The following DMD variants were observed in gnomAD, a reference collection of about 807,000 sequenced individuals.
DMD encodes mutant dystrophin.
In DMD, 63 loss-of-function variants were observed where a neutral mutation model predicts 330.1. That is an observed-to-expected ratio of 0.19 (90% CI 0.16 to 0.24). DMD has a LOEUF of 0.24. Ranked by LOEUF, DMD falls within the 10% of genes least tolerant of loss-of-function variation. The pLI is 1.00. For missense variants in DMD, 3,344 were observed against 2,684.1 expected (o/e 1.25, Z -5.43); for synonymous variants, 1,223 against 959.8 (o/e 1.27, Z -5.07).
intron 44 of DMD, among the ~76,000 whole-genome samples, chrX:32,083,231 G>A (rs56663344): frequency 0.16 from 17,885 of 109,838 alleles, 1,073 homozygotes; most frequent in African/African-American, 0.19. Context: ...TTAACCTAAG[G>A]CTTCTATTTA....
chrX:31,250,594 T>C (rs946957395), intron 63 of DMD, among the ~76,000 whole-genome samples: 5 of 112,031 alleles, frequency 4.5e-5, no homozygotes, highest in African/African-American at 1.3e-4. Flanking sequence ...ATATGGACAG[T>C]GTGTTAAGTA....
chrX:31,951,511 TAATTTTA>T (rs1489783782), intron 45 of DMD, among the ~76,000 whole-genome samples: 1 of 110,053 alleles, frequency 9.1e-6, no homozygotes, highest in Non-Finnish European at 1.9e-5. Flanking sequence ...TTTTAGTGTG[TAATTTTA>T]AATTTTGTTT....
chrX:31,513,827 C>G (rs1023089559), intron 55 of DMD, among the ~76,000 whole-genome samples: 2 of 111,437 alleles, frequency 1.8e-5, no homozygotes, highest in Non-Finnish European at 3.8e-5. Context: ...CTCAACAACC[C>G]TCTAGGGTAG....
At chrX:31,309,486 C>T (rs1009489351) in intron 62 of DMD, among the ~76,000 whole-genome samples, 5 of 111,735 alleles carry the variant, frequency 4.5e-5, no homozygotes, top group Non-Finnish European at 7.5e-5. Flanking sequence ...TATGTAGGCC[C>T]GCTCATCCTC....
intron 4 of DMD, among the ~76,000 whole-genome samples, chrX:32,834,393 T>C (rs1001813611): frequency 1.3e-4 from 14 of 111,952 alleles, no homozygotes; most frequent in Non-Finnish European, 2.3e-4. Context: ...TATATGGCTA[T>C]TTAAGTTTCT....
At chrX:31,502,292 G>A (rs759913250) in intron 56 of DMD, among the ~76,000 whole-genome samples, 1 of 111,388 alleles carries the variant, frequency 9.0e-6, no homozygotes, top group South Asian at 3.7e-4. Flanking sequence ...TTTAAATAGA[G>A]AGAATCCCAA....
At chrX:32,763,337 C>CA (rs2072563874) in intron 7 of DMD, among the ~76,000 whole-genome samples, 1 of 111,665 alleles carries the variant, frequency 9.0e-6, no homozygotes, top group Non-Finnish European at 1.9e-5. Flanking sequence ...TTAAAGAGTG[C>CA]AAAAATATTT....
intron 56 of DMD, 49 bp from the exon 57 acceptor site, chrX:31,496,993 T>C (rs761178086): frequency 1.7e-6 from 2 of 1,150,712 alleles, no homozygotes; most frequent in South Asian, 1.9e-5. Flanking sequence ...GAAGTGTAAT[T>C]GATGATTCTA....
chrX:32,429,686 C>T (rs776585729), intron 29 of DMD, among the ~76,000 whole-genome samples: 2 of 109,422 alleles, frequency 1.8e-5, no homozygotes, highest in African/African-American at 3.3e-5. Flanking sequence ...CAGGTGGATG[C>T]TCCATTAGTG....
At chrX:31,291,036 C>G (rs1198030521) in intron 62 of DMD, among the ~76,000 whole-genome samples, 1 of 111,943 alleles carries the variant, frequency 8.9e-6, no homozygotes, top group Non-Finnish European at 1.9e-5. Flanking sequence ...GTCTTAAAAT[C>G]TAAACTTTTT....
chrX:33,217,305 A>G (rs2052075047), intron 1 of DMD, among the ~76,000 whole-genome samples: 1 of 111,720 alleles, frequency 9.0e-6, no homozygotes, highest in African/African-American at 3.2e-5. Flanking sequence ...AGGGTGTCCA[A>G]ATAGACAAAA....
chrX:31,435,374 T>A lies in DMD; in HGVS notation c.9084+9107A>T, dbSNP rs1401607073. 2.7e-5 allele frequency among the ~76,000 whole-genome samples: 3 copies of A among 111,859 alleles called. No individual in the cohort carries two copies. The East Asian group carries it at 8.4e-4, about 31-fold the overall frequency. On this transcript the variant is annotated intron_variant, in intron 60 of 78. Coordinates refer to ENST00000357033, the MANE Select transcript of DMD (RefSeq NM_004006.3). ...GGCTGTACTTCTGATATAAGAATCA[T>A]CTTCTAATTTATTATATTTCCACCC...
intron 47 of DMD, among the ~76,000 whole-genome samples, chrX:31,911,244 T>C (rs2094542926): frequency 5.3e-5 from 6 of 112,169 alleles, no homozygotes; most frequent in Admixed American, 4.7e-4. Context: ...ATTGCTGCTT[T>C]ATAGTTTTAT....
intron 42 of DMD, among the ~76,000 whole-genome samples, chrX:32,304,510 T>A (rs2097533965): frequency 9.0e-6 from 1 of 111,044 alleles, no homozygotes; most frequent in African/African-American, 3.3e-5. Context: ...GAAGCACATA[T>A]AAATATGAGC....
At chrX:33,304,366 G>T (rs897257892) in intron 1 of DMD, among the ~76,000 whole-genome samples, 15 of 111,210 alleles carry the variant, frequency 1.3e-4, no homozygotes, top group South Asian at 1.2e-3. Context: ...TAGCCATATG[G>T]AGAAAGCTGA....
chrX:33,228,711 C>CTTT (rs759825087), intron 1 of DMD, among the ~76,000 whole-genome samples: 4,463 of 101,101 alleles, frequency 0.044, 250 homozygotes, highest in African/African-American at 0.15. Flanking sequence ...TTTTCTTCAG[C>CTTT]TTTTTTTTTT....
chrX:31,421,916 T>TATATATATACACACAC (rs2063399185), intron 60 of DMD, among the ~76,000 whole-genome samples: 2 of 62,151 alleles, frequency 3.2e-5, no homozygotes, highest in Non-Finnish European at 5.3e-5. Flanking sequence ...CACACACACA[T>TATATATATACACACAC]ATATATATAT....
chrX:33,249,103 T>C (rs774633486), intron 1 of DMD, among the ~76,000 whole-genome samples: 1 of 112,723 alleles, frequency 8.9e-6, no homozygotes, highest in Non-Finnish European at 1.9e-5. Flanking sequence ...TAACTTTCCA[T>C]ACAAAGCCCA....
intron 13 of DMD, among the ~76,000 whole-genome samples, chrX:32,582,928 C>G (rs183084625): frequency 9.0e-6 from 1 of 111,497 alleles, no homozygotes; most frequent in Non-Finnish European, 1.9e-5. Context: ...AATGATAGCA[C>G]GCCTATCTCC....
Sources: gnomAD v4.1 joint callset for allele counts (sites outside exome capture counted in the v4.1 genomes callset) on GRCh38, gnomAD v4.1.1 for gene constraint, MANE v1.5 for transcripts, NCBI Gene and HGNC (gene_info 2026-07-23, HGNC 2026-07-21) for gene names.